Variants in SHISA6 observed in about 807,000 individuals in gnomAD.
SHISA6 encodes the protein protein shisa-6.
In SHISA6, 22 loss-of-function variants were observed where a neutral mutation model predicts 47.9. The ratio of observed to expected loss-of-function variants is 0.46; its 90% CI spans 0.33 to 0.66. SHISA6 has a LOEUF of 0.66. Ranked by LOEUF, SHISA6 falls within the 30% of genes least tolerant of loss-of-function variation. The pLI is 0.02. For synonymous variants in SHISA6, 388 were observed against 337.8 expected (o/e 1.15, Z -1.63); for missense variants, 680 against 764.6 (o/e 0.89, Z 1.30).
intron 2 of SHISA6, among the ~76,000 whole-genome samples, chr17:11,377,161 A>C (rs1597483301): frequency 6.6e-6 from 1 of 152,284 alleles, no homozygotes; most frequent in South Asian, 2.1e-4. Flanking sequence ...TGACTAAAGA[A>C]TTCTTTACTC....
chr17:11,481,358 G>GTA (rs1209751142), intron 3 of SHISA6, among the ~76,000 whole-genome samples: 1 of 109,922 alleles, frequency 9.1e-6, no homozygotes, highest in African/African-American at 3.6e-5. Flanking sequence ...GTGTGTGTGT[G>GTA]TGTGTGTGTA....
At chr17:11,424,391 T>C (rs534904040) in intron 3 of SHISA6, among the ~76,000 whole-genome samples, 3 of 152,130 alleles carry the variant, frequency 2.0e-5, no homozygotes, top group African/African-American at 7.2e-5. Flanking sequence ...TATAACCAGC[T>C]AAACTATCAT....
chr17:11,285,833 C>T (rs1241870221), intron 2 of SHISA6, among the ~76,000 whole-genome samples: 1 of 150,126 alleles, frequency 6.7e-6, no homozygotes, highest in Non-Finnish European at 1.5e-5. Flanking sequence ...GTCTCTCTCT[C>T]TCTCTTTTTT....
chr17:11,422,246 A>G (rs1567601607), intron 3 of SHISA6, among the ~76,000 whole-genome samples: 1 of 152,170 alleles, frequency 6.6e-6, no homozygotes, highest in East Asian at 1.9e-4. Flanking sequence ...AATGAACTGC[A>G]TGAGTCAAGA....
At chr17:11,440,778 C>T (rs1915074200) in intron 3 of SHISA6, among the ~76,000 whole-genome samples, 1 of 151,996 alleles carries the variant, frequency 6.6e-6, no homozygotes, top group Admixed American at 6.6e-5. Flanking sequence ...CTATCACTGG[C>T]CTGCTTCCAA....
chr17:11,447,911 G>A (rs953360197), intron 3 of SHISA6, among the ~76,000 whole-genome samples: 4 of 152,154 alleles, frequency 2.6e-5, no homozygotes, highest in Admixed American at 2.6e-4. Flanking sequence ...AGACAGCAGT[G>A]GGCAGGGCTG....
intron 1 of SHISA6, among the ~76,000 whole-genome samples, chr17:11,260,550 C>T (rs961363652): frequency 6.6e-6 from 1 of 151,992 alleles, no homozygotes; most frequent in African/African-American, 2.4e-5. Flanking sequence ...TTCTGAATCG[C>T]ATTTTATCTC....
intron 3 of SHISA6, among the ~76,000 whole-genome samples, chr17:11,531,196 G>A (rs1359092677): frequency 4.1e-5 from 6 of 148,048 alleles, no homozygotes; most frequent in Admixed American, 6.8e-5. Context: ...TGTGTGAGCT[G>A]GACAGGTTAC....
intron 3 of SHISA6, among the ~76,000 whole-genome samples, chr17:11,534,139 C>T (rs1258865504): frequency 6.8e-6 from 1 of 147,080 alleles, no homozygotes; most frequent in Non-Finnish European, 1.5e-5. Context: ...GCCACCATGC[C>T]TTGCTAATCT....
intron 2 of SHISA6, chr17:11,289,012 C>G (rs1909425758): frequency 6.6e-6 from 1 of 152,050 alleles, no homozygotes; most frequent in Admixed American, 6.6e-5. Flanking sequence ...CATGGTAAAA[C>G]ATTTAACACA....
chr17:11,507,286 C>G (rs917084207), intron 3 of SHISA6, among the ~76,000 whole-genome samples: 1 of 152,142 alleles, frequency 6.6e-6, no homozygotes, highest in Non-Finnish European at 1.5e-5. Flanking sequence ...TCTATCTTTT[C>G]CTTACAAGGA....
At chr17:11,433,888 C>T (rs1262742939) in intron 3 of SHISA6, among the ~76,000 whole-genome samples, 2 of 152,126 alleles carry the variant, frequency 1.3e-5, no homozygotes, top group Admixed American at 6.5e-5. Context: ...CCAAACAAGA[C>T]TGCATCAAAG....
At chr17:11,455,409 T>C (rs1237514381) in intron 3 of SHISA6, among the ~76,000 whole-genome samples, 1 of 152,118 alleles carries the variant, frequency 6.6e-6, no homozygotes, top group Non-Finnish European at 1.5e-5. Context: ...CTAAAAATAA[T>C]AATGATGGAA....
At chr17:11,254,750 T>C (rs938566832) in intron 1 of SHISA6, among the ~76,000 whole-genome samples, 2 of 152,220 alleles carry the variant, frequency 1.3e-5, no homozygotes, top group Admixed American at 1.3e-4. Context: ...ATCCTTTCTT[T>C]TGCAGGATGG....
chr17:11,524,365 G>C (rs2071657545), intron 3 of SHISA6, among the ~76,000 whole-genome samples: 1 of 152,122 alleles, frequency 6.6e-6, no homozygotes. Context: ...AAGTGTCCCA[G>C]AAGAGGTAGA....
intron 3 of SHISA6, among the ~76,000 whole-genome samples, chr17:11,543,386 G>A (rs1010310336): frequency 4.6e-5 from 7 of 152,126 alleles, no homozygotes; most frequent in East Asian, 1.9e-4. Context: ...GTGATGAGGT[G>A]AGACACATAT....
intron 3 of SHISA6, among the ~76,000 whole-genome samples, chr17:11,451,361 A>ACATT (rs1915397468): frequency 6.6e-6 from 1 of 152,248 alleles, no homozygotes; most frequent in South Asian, 2.1e-4. Context: ...TAAGAAATGT[A>ACATT]CATTCATTCA....
At chr17:11,255,192 GAGTTAA>G (rs1907961584) in intron 1 of SHISA6, among the ~76,000 whole-genome samples, 2 of 152,184 alleles carry the variant, frequency 1.3e-5, no homozygotes, top group South Asian at 4.1e-4. Context: ...CTGAATACAT[GAGTTAA>G]AGTCAGTAGA....
At chr17:11,522,532 G>A (rs551701759) in intron 3 of SHISA6, among the ~76,000 whole-genome samples, 1 of 152,282 alleles carries the variant, frequency 6.6e-6, no homozygotes, top group East Asian at 1.9e-4. Context: ...ATAGTCTAAG[G>A]GTGTGTGTTG....
Sources: allele counts gnomAD v4.1 joint callset (sites outside exome capture counted in the v4.1 genomes callset), GRCh38; gene constraint gnomAD v4.1.1; transcripts MANE v1.5; gene names NCBI Gene and HGNC (gene_info 2026-07-23, HGNC 2026-07-21).